The following PPFIA3 variants were observed in gnomAD, a reference collection of about 807,000 sequenced individuals.
PPFIA3 encodes liprin-alpha-3.
PPFIA3 carries 26 observed loss-of-function variants against 145.8 expected under a neutral mutation model. The observed-to-expected ratio is 0.18, with a 90% confidence interval of 0.13 to 0.25. PPFIA3 has a LOEUF of 0.25. Among genes scored for constraint, PPFIA3 ranks in the 10% least tolerant of loss-of-function variants. The pLI, the probability that PPFIA3 is intolerant of heterozygous loss-of-function variation, is 1.00. For synonymous variants in PPFIA3, 645 were observed against 661.4 expected (o/e 0.98, Z 0.38); for missense variants, 1,008 against 1,587.8 (o/e 0.63, Z 6.21).
chr19:49,121,037 C>T (rs1003027372), intron 1 of PPFIA3, among the ~76,000 whole-genome samples: 2 of 152,224 alleles, frequency 1.3e-5, no homozygotes, highest in Non-Finnish European at 2.9e-5. Flanking sequence ...ATCAACTTCA[C>T]ATCTCCTGTG....
chr19:49,148,892 G>A, intron 25 of PPFIA3, 101 bp from the exon 26 acceptor site: 3 of 1,572,218 alleles, frequency 1.9e-6, no homozygotes, highest in Non-Finnish European at 2.6e-6. Flanking sequence ...GCCAGCGTGG[G>A]GGGCGTGGCC....
chr19:49,134,754 G>T (rs2041117045), intron 12 of PPFIA3, 53 bp downstream of exon 12: 2 of 1,610,620 alleles, frequency 1.2e-6, no homozygotes, highest in Non-Finnish European at 1.7e-6. Flanking sequence ...GGTTGCTGAG[G>T]CTAGGGTCTG....
intron 14 of PPFIA3, 46 bp downstream of exon 14, chr19:49,135,969 G>T: frequency 6.6e-7 from 1 of 1,514,962 alleles, no homozygotes; most frequent in Non-Finnish European, 8.8e-7. Context: ...GCTTGGGCGG[G>T]CAGCTGTAGG....
At chr19:49,137,105 A>G (rs1389453412) in intron 15 of PPFIA3, 194 bp downstream of exon 15, 2 of 476,316 alleles carry the variant, frequency 4.2e-6, no homozygotes, top group Non-Finnish European at 7.3e-6. Context: ...TGCTACCTAC[A>G]CATATACCCC....
In PPFIA3 at chr19:49,133,168, G is replaced by A. The variant is rs2122572166; in HGVS notation, c.1026+21G>A. 7 of 1,586,118 alleles carry A rather than the reference G, an allele frequency of 4.4e-6. No individual in the cohort carries two copies. Among genetic ancestry groups the A allele is most frequent in the Non-Finnish European group, 6.0e-6 (7 of 1,164,968 alleles). On this transcript the variant is annotated intron_variant, in intron 8 of 29. Transcript: ENST00000334186. The surrounding 1 kb of genome is among the most constrained non-coding windows in gnomAD (Gnocchi z 7.2). ...GGCAGGTGGGGGCGCGGCCGGGAGG[G>A]GCGATGGGGGCGGTGCCGGGGCCCA... is the stretch of plus-strand genomic sequence containing the variant.
Position 49,128,826 on chromosome 19 carries a change from A to G in PPFIA3, c.343-22A>G. 6.4e-7 allele frequency: 1 copy of G among 1,554,132 alleles called. No individual in the cohort carries two copies. The highest frequency in any genetic ancestry group is 8.7e-7 in the Non-Finnish European group (1 of 1,150,220). On this transcript the variant is annotated intron_variant, in intron 3 of 29. Coordinates refer to ENST00000334186, the MANE Select transcript of PPFIA3 (RefSeq NM_003660.4). The surrounding 1 kb of genome is among the most constrained non-coding windows in gnomAD (Gnocchi z 4.1). ...CCTTTTCCCTTGCCTCTTTTCCTTG[A>G]CCCCATGCCGTGTGCTTGCAGCTGC...
At chr19:49,132,306 T>C (rs544351506) in intron 7 of PPFIA3, among the ~76,000 whole-genome samples, 238 of 145,846 alleles carry the variant, frequency 1.6e-3, no homozygotes, top group African/African-American at 5.9e-3. Flanking sequence ...GGAGAATCGT[T>C]TGAACCCAGG....
chr19:49,127,730 A>C (rs1165608073), intron 1 of PPFIA3, 129 bp from the exon 2 acceptor site: 3 of 1,073,420 alleles, frequency 2.8e-6, no homozygotes, highest in East Asian at 5.9e-5. Context: ...CCTGGGCCTC[A>C]GTTTCTTCTG....
At chr19:49,142,184 G>T in intron 20 of PPFIA3, 69 bp downstream of exon 20, 4 of 1,418,066 alleles carry the variant, frequency 2.8e-6, no homozygotes, top group East Asian at 2.6e-5. Flanking sequence ...GGTAGGGGCT[G>T]CCTGGTCCTC....
At chr19:49,131,996 C>T (rs1600332444) in intron 7 of PPFIA3, among the ~76,000 whole-genome samples, 1 of 133,758 alleles carries the variant, frequency 7.5e-6, no homozygotes, top group Admixed American at 8.7e-5. Flanking sequence ...GGCAACAGAG[C>T]GAGACTCCGT....
chr19:49,132,390 C>CAAAAAAAAAAA (rs11351172), intron 7 of PPFIA3, among the ~76,000 whole-genome samples: 38 of 43,672 alleles, frequency 8.7e-4, no homozygotes, highest in Non-Finnish European at 1.1e-3. Flanking sequence ...CTCTCTCTCT[C>CAAAAAAAAAAA]AAAAAAAAAA....
At chr19:49,145,773 TA>T in intron 21 of PPFIA3, 169 bp from the exon 22 acceptor site, 1 of 652,184 alleles carries the variant, frequency 1.5e-6, no homozygotes, top group South Asian at 1.8e-5. Flanking sequence ...CATTGCCTGG[TA>T]CATGGCAGGT....
chr19:49,127,915 G>A lies in PPFIA3; in HGVS notation c.42G>A (p.Arg14=). The A allele has an allele frequency of 1.3e-6, 2 of 1,592,532 alleles. No homozygotes were observed. Among genetic ancestry groups the A allele is most frequent in the Non-Finnish European group, 1.7e-6 (2 of 1,177,350 alleles). Residue 14 remains arginine, a synonymous_variant, in exon 2 of 30, where the codon CGG becomes CGA. Transcript: ENST00000334186. Reference sequence around the variant, plus strand: ...TGCCCACCATCAGCGAGGATGGCCGGCGGGGCTCGGCGCTGGGCCCGGACG... The same window carrying A: ...TGCCCACCATCAGCGAGGATGGCCGACGGGGCTCGGCGCTGGGCCCGGACG... ...EVMPTISEDG[R]RGSALGPDEA...
intron 16 of PPFIA3, among the ~76,000 whole-genome samples, chr19:49,138,970 CAA>C (rs36111399): frequency 0.38 from 53,086 of 140,634 alleles, 9,501 homozygotes; most frequent in Non-Finnish European, 0.43. Context: ...AACTGTGTCT[CAA>C]AAAAAAAAAA....
chr19:49,143,875 T>C (rs1413617267), intron 21 of PPFIA3, among the ~76,000 whole-genome samples: 1 of 152,188 alleles, frequency 6.6e-6, no homozygotes, highest in Admixed American at 6.5e-5. Flanking sequence ...AAAAAGTTTT[T>C]TTTGAATATT....
chr19:49,139,629 C>G, intron 16 of PPFIA3, 39 bp from the exon 17 acceptor site: 4 of 1,529,878 alleles, frequency 2.6e-6, no homozygotes, highest in Non-Finnish European at 2.6e-6. Flanking sequence ...CGACATGACT[C>G]TTTGAACTCA....
In PPFIA3 at chr19:49,142,025, C is replaced by T; in HGVS notation, c.2463-9C>T. ...GACAGCTTCTATCCTGGCCCCTTCA[C>T]CCTTACAGGCATGAACTCCTGGAGG... On this transcript the variant is annotated splice_polypyrimidine_tract_variant and intron_variant, in intron 19 of 29. Coordinates refer to ENST00000334186, the MANE Select transcript of PPFIA3 (RefSeq NM_003660.4). 6.4e-7 allele frequency: 1 copy of T among 1,560,090 alleles called. No individual in the cohort carries two copies. Among genetic ancestry groups the T allele is most frequent in the Non-Finnish European group, 8.7e-7 (1 of 1,151,328 alleles).
chr19:49,144,178 T>C (rs1568441073), intron 21 of PPFIA3, among the ~76,000 whole-genome samples: 1 of 152,016 alleles, frequency 6.6e-6, no homozygotes, highest in Non-Finnish European at 1.5e-5. Context: ...GCCCTGCTAA[T>C]TTTTGTATTC....
chr19:49,132,902 C>A lies in PPFIA3; in HGVS notation c.880-99C>A, dbSNP rs1007751481. On this transcript the variant is annotated intron_variant, in intron 7 of 29. Transcript: ENST00000334186. Reference sequence around the variant, plus strand: ...AGCGGGTGTGACACCACCATTCTGACTCCCATGTCAGGGCACTTTGTTTCC... The same window carrying A: ...AGCGGGTGTGACACCACCATTCTGAATCCCATGTCAGGGCACTTTGTTTCC... 17 of 1,482,608 alleles carry A rather than the reference C, an allele frequency of 1.1e-5. No homozygotes were observed. The African/African-American group carries it at 2.1e-4, about 18-fold the overall frequency. The allele number at this position is 1,482,608 out of a possible 1,614,324, so 91.8% of individuals were successfully genotyped here.
Sources: allele counts gnomAD v4.1 joint callset (sites outside exome capture counted in the v4.1 genomes callset), GRCh38; gene constraint gnomAD v4.1.1; non-coding constraint Gnocchi (gnomAD v3.1); transcripts MANE v1.5; gene names NCBI Gene and HGNC (gene_info 2026-07-23, HGNC 2026-07-21).